Variants in CALN1 observed in about 807,000 individuals in gnomAD.
The protein encoded by CALN1 is calneuron 1, also known as calcium-binding protein 8.
CALN1 carries 17 observed loss-of-function variants against 30.6 expected under a neutral mutation model. That is an observed-to-expected ratio of 0.56 (90% CI 0.38 to 0.83). CALN1 has a LOEUF of 0.83. CALN1 is among the 40% of genes least tolerant of loss of function. CALN1 has a pLI of 0.00. For synonymous variants in CALN1, 156 were observed against 131.4 expected (o/e 1.19, Z -1.28); for missense variants, 291 against 354.9 (o/e 0.82, Z 1.45).
intron 1 of CALN1, among the ~76,000 whole-genome samples, chr7:72,408,963 C>A (rs1046578760): frequency 8.5e-5 from 13 of 152,068 alleles, no homozygotes; most frequent in South Asian, 6.2e-4. Context: ...CAGGTGTGAG[C>A]CACCACACCT....
intron 4 of CALN1, among the ~76,000 whole-genome samples, chr7:72,102,417 C>G (rs1389732141): frequency 9.2e-5 from 14 of 152,048 alleles, no homozygotes; most frequent in Admixed American, 9.2e-4. Context: ...TGCACTGCAG[C>G]CTGGGCGTAA....
chr7:72,290,345 G>A (rs1349550525), intron 2 of CALN1, among the ~76,000 whole-genome samples: 11 of 152,098 alleles, frequency 7.2e-5, no homozygotes, highest in Middle Eastern at 3.2e-3. Context: ...AGCAGCTATG[G>A]TGGTGGCAGC....
chr7:72,199,992 A>G (rs1212286035), intron 3 of CALN1, among the ~76,000 whole-genome samples: 2 of 152,178 alleles, frequency 1.3e-5, no homozygotes, highest in Non-Finnish European at 2.9e-5. Context: ...AGAATTCTCA[A>G]GCGACCTCTA....
chr7:72,281,315 C>T (rs1200049533), intron 2 of CALN1, among the ~76,000 whole-genome samples: 1 of 152,132 alleles, frequency 6.6e-6, no homozygotes, highest in Non-Finnish European at 1.5e-5. Flanking sequence ...CAAATCTTGG[C>T]TCTTTGTAAA....
At chr7:72,079,630 T>C (rs1563038576) in intron 4 of CALN1, among the ~76,000 whole-genome samples, 1 of 152,140 alleles carries the variant, frequency 6.6e-6, no homozygotes, top group African/African-American at 2.4e-5. Flanking sequence ...CCTACATTTC[T>C]GGGTCACCAT....
intron 3 of CALN1, among the ~76,000 whole-genome samples, chr7:72,112,132 G>T (rs1352105557): frequency 1.3e-5 from 2 of 152,108 alleles, no homozygotes; most frequent in Non-Finnish European, 2.9e-5. Flanking sequence ...GCTTCCTAAT[G>T]ACACAGCCAA....
At chr7:71,938,789 G>C (rs57807638) in intron 5 of CALN1, among the ~76,000 whole-genome samples, 1,665 of 152,070 alleles carry the variant, frequency 0.011, 21 homozygotes, top group African/African-American at 0.038. Context: ...AACTCTGTCT[G>C]AAAAAACAAA....
At chr7:72,361,312 T>C (rs758403707) in intron 2 of CALN1, among the ~76,000 whole-genome samples, 8 of 152,004 alleles carry the variant, frequency 5.3e-5, no homozygotes, top group Non-Finnish European at 7.4e-5. Flanking sequence ...CCACCTACTA[T>C]GAAATCCATT....
chr7:72,121,263 A>T (rs1392797563), intron 3 of CALN1, among the ~76,000 whole-genome samples: 1 of 134,436 alleles, frequency 7.4e-6, no homozygotes, highest in Non-Finnish European at 1.6e-5. Flanking sequence ...TATCTATTAT[A>T]TATCTATATT....
At position 72,041,722 on chromosome 7, in the gene CALN1, G is replaced by A. The variant is rs150012981; in HGVS notation, c.389-17953C>T. Among the ~76,000 whole-genome samples the A allele has an allele frequency of 1.8e-3, 270 of 152,254 alleles. 1 individual carries two copies. The highest frequency in any genetic ancestry group is 5.8e-3 in the African/African-American group (239 of 41,548). On this transcript the variant is annotated intron_variant, in intron 4 of 6. Transcript: ENST00000395275. ...GAATTGTAGCTCCCGTAATTCCCAC[G>A]TGTCATGGGAGGGACCCAGTGGGAG...
intron 2 of CALN1, among the ~76,000 whole-genome samples, chr7:72,383,564 G>A (rs148668429): frequency 6.6e-6 from 1 of 152,160 alleles, no homozygotes; most frequent in African/African-American, 2.4e-5. Context: ...CCAGAGAGCA[G>A]GCCCTATGGG....
intron 1 of CALN1, among the ~76,000 whole-genome samples, chr7:72,434,313 G>A (rs1370714604): frequency 6.8e-6 from 1 of 147,280 alleles, no homozygotes; most frequent in Admixed American, 6.9e-5. Flanking sequence ...GACCAGCCTG[G>A]CCAACATGCT....
At chr7:72,181,442 G>C (rs1374246311) in intron 3 of CALN1, among the ~76,000 whole-genome samples, 2 of 151,522 alleles carry the variant, frequency 1.3e-5, no homozygotes, top group African/African-American at 4.8e-5. Context: ...GTTAGTCTTT[G>C]GACTTAGCAC....
intron 4 of CALN1, among the ~76,000 whole-genome samples, chr7:72,045,945 G>C (rs987351876): frequency 2.0e-5 from 3 of 146,864 alleles, no homozygotes; most frequent in Admixed American, 1.4e-4. Flanking sequence ...GTTGCAGTGA[G>C]CTGAGATCGT....
rs752956853 is a variant in CALN1 at position 72,430,690 on chromosome 7, G to A, written c.-226+16352C>T. On this transcript the variant is annotated intron_variant, in intron 1 of 6. Transcript: ENST00000395276. ...AGGTGAGCCGAGCACCAACCAATCA[G>A]AAGCAATGCCAGCTCTAAGGACCCG... 2.2e-4 allele frequency among the ~76,000 whole-genome samples: 34 copies of A among 152,152 alleles called. 1 individual carries two copies. Among genetic ancestry groups the A allele is most frequent in the Non-Finnish European group, 3.8e-4 (26 of 68,046 alleles).
At chr7:72,314,809 A>G (rs1197334708) in intron 2 of CALN1, among the ~76,000 whole-genome samples, 1 of 150,398 alleles carries the variant, frequency 6.6e-6, no homozygotes, top group Non-Finnish European at 1.5e-5. Flanking sequence ...AAACTTAAAT[A>G]TTTAAAAAGA....
At chr7:72,137,522 CA>C (rs1460018297) in intron 3 of CALN1, among the ~76,000 whole-genome samples, 1 of 152,116 alleles carries the variant, frequency 6.6e-6, no homozygotes, top group East Asian at 1.9e-4. Context: ...AGGGTTGCCA[CA>C]AACCTTTAAT....
intron 3 of CALN1, among the ~76,000 whole-genome samples, chr7:72,266,413 T>C (rs916638060): frequency 6.6e-6 from 1 of 152,348 alleles, no homozygotes; most frequent in South Asian, 2.1e-4. Context: ...ATTCTTCCAA[T>C]AGACACTTTA....
intron 5 of CALN1, among the ~76,000 whole-genome samples, chr7:71,951,854 C>A (rs1404356122): frequency 6.6e-6 from 1 of 152,100 alleles, no homozygotes; most frequent in Non-Finnish European, 1.5e-5. Flanking sequence ...ACTTTGAAAT[C>A]ATGCAAGCGA....
Sources: allele counts gnomAD v4.1 joint callset (sites outside exome capture counted in the v4.1 genomes callset), GRCh38; gene constraint gnomAD v4.1.1; transcripts MANE v1.5; gene names NCBI Gene and HGNC (gene_info 2026-07-23, HGNC 2026-07-21).